NCOA1: variants seen among roughly 807,000 people sequenced by gnomAD.
NCOA1 encodes Hin-2 protein.
In NCOA1, 35 loss-of-function variants were observed where a neutral mutation model predicts 150.9. The observed-to-expected ratio is 0.23, with a 90% CI of 0.18 to 0.31. The LOEUF (loss-of-function observed/expected upper bound fraction) is 0.31. Ranked by LOEUF, NCOA1 falls within the 10% of genes least tolerant of loss-of-function variation. NCOA1 has a pLI of 1.00. For synonymous variants in NCOA1, 590 were observed against 630.0 expected, an observed-to-expected ratio of 0.94 and a Z score of 0.95; for missense variants, 1,491 against 1,749.3, an observed-to-expected ratio of 0.85 and a Z score of 2.63.
intron 3 of NCOA1, among the ~76,000 whole-genome samples, chr2:24,595,063 G>T (rs1185381555): frequency 6.6e-6 from 1 of 151,972 alleles, no homozygotes; most frequent in Non-Finnish European, 1.5e-5. Flanking sequence ...TGATATTTAT[G>T]TAATAATAAT....
At chr2:24,690,649 C>A (rs1672621012) in intron 8 of NCOA1, among the ~76,000 whole-genome samples, 1 of 13,648 alleles carries the variant, frequency 7.3e-5, no homozygotes, top group Non-Finnish European at 2.2e-4. Context: ...GAGATTCCAT[C>A]TCAAAAAAAA....
chr2:24,655,809 C>T (rs1477864387), intron 4 of NCOA1, among the ~76,000 whole-genome samples: 1 of 152,142 alleles, frequency 6.6e-6, no homozygotes, highest in Non-Finnish European at 1.5e-5. Flanking sequence ...GAAGTAATGG[C>T]CGGGCATGGT....
At chr2:24,521,388 C>T (rs1664412392) in intron 1 of NCOA1, among the ~76,000 whole-genome samples, 1 of 152,104 alleles carries the variant, frequency 6.6e-6, no homozygotes, top group African/African-American at 2.4e-5. Flanking sequence ...TCCCCATTCC[C>T]ACCCCTTCCT....
chr2:24,551,910 T>G (rs1665846180), intron 1 of NCOA1, among the ~76,000 whole-genome samples: 1 of 152,210 alleles, frequency 6.6e-6, no homozygotes, highest in Non-Finnish European at 1.5e-5. Context: ...AAGACAGTTC[T>G]CTTTCTATTG....
At chr2:24,652,909 A>C (rs719189) in intron 4 of NCOA1, among the ~76,000 whole-genome samples, 22,455 of 152,154 alleles carry the variant, frequency 0.15, 2,011 homozygotes, top group Non-Finnish European at 0.2. Context: ...ACATAAATAC[A>C]ACTGTAATAG....
intron 19 of NCOA1, 149 bp from the exon 20 acceptor site, chr2:24,751,833 A>G (rs965705541): frequency 5.2e-6 from 4 of 764,384 alleles, no homozygotes; most frequent in Non-Finnish European, 6.1e-6. Context: ...GTTGAATGCG[A>G]TATTTGTAAA....
Position 24,596,418 on chromosome 2 carries a change from G to A in NCOA1, c.-175+11858G>A, listed in dbSNP as rs747935514. The stretch of plus-strand genomic sequence containing the variant: ...AGCAGTTCTTACAAAATAGTCCTTA[G>A]CGTAGTAGTCTCACAGAGTTATGAA... On this transcript the variant is annotated intron_variant, in intron 3 of 22. Coordinates refer to ENST00000348332, the MANE Select transcript of NCOA1 (RefSeq NM_003743.5). Among the ~76,000 whole-genome samples the A allele has an allele frequency of 3.5e-4, 54 of 152,184 alleles. No individual in the cohort carries two copies. The Middle Eastern group carries it at 0.01, about 29-fold the overall frequency.
At chr2:24,706,439 C>A in intron 12 of NCOA1, 129 bp from the exon 13 acceptor site, 1 of 1,071,126 alleles carries the variant, frequency 9.3e-7, no homozygotes, top group Non-Finnish European at 1.3e-6. Flanking sequence ...TAAGATGGTA[C>A]AGAAGCTCTT....
Position 24,603,727 on chromosome 2 carries a change from G to A in NCOA1, c.-175+19167G>A, listed in dbSNP as rs375549807. ...CTCTTGCTGTTTTTACCATATCTGCGGTTACTTCTACTGGTCTTGAACTCA... is the reference window on the plus strand; with the variant it reads ...CTCTTGCTGTTTTTACCATATCTGCAGTTACTTCTACTGGTCTTGAACTCA... On this transcript the variant is annotated intron_variant, in intron 3 of 22. Coordinates refer to ENST00000348332, the MANE Select transcript of NCOA1 (RefSeq NM_003743.5). Among the ~76,000 whole-genome samples, 51 of 152,218 alleles carry A rather than the reference G, an allele frequency of 3.4e-4. 1 individual carries two copies. In the South Asian group the frequency reaches 9.7e-3, roughly 29 times the overall value.
At chr2:24,673,512 C>A in intron 7 of NCOA1, 49 bp downstream of exon 7, 1 of 1,376,140 alleles carries the variant, frequency 7.3e-7, no homozygotes, top group Non-Finnish European at 1.0e-6. Flanking sequence ...TTGTTGTAGC[C>A]AGTTTGGTTT....
intron 7 of NCOA1, among the ~76,000 whole-genome samples, chr2:24,678,751 A>G (rs1011604939): frequency 6.6e-6 from 1 of 152,128 alleles, no homozygotes; most frequent in Admixed American, 6.5e-5. Flanking sequence ...TTTTCTTGTA[A>G]ATTTGTTTAA....
intron 1 of NCOA1, among the ~76,000 whole-genome samples, chr2:24,505,097 C>G (rs1442226009): frequency 1.3e-5 from 2 of 152,016 alleles, no homozygotes; most frequent in Admixed American, 6.5e-5. Context: ...GTCCATGAGG[C>G]TTGTTTTTTC....
At chr2:24,574,478 C>CT (rs569289471) in intron 2 of NCOA1, among the ~76,000 whole-genome samples, 2 of 151,642 alleles carry the variant, frequency 1.3e-5, no homozygotes, top group African/African-American at 4.8e-5. Context: ...GAGGTTACTG[C>CT]TTTTTTTTAG....
At chr2:24,597,125 TGGGAAG>T (rs148480579) in intron 3 of NCOA1, among the ~76,000 whole-genome samples, 4,201 of 152,248 alleles carry the variant, frequency 0.028, 61 homozygotes, top group African/African-American at 0.041. Context: ...GTTTTACCTA[TGGGAAG>T]TGGGGTTCTA....
chr2:24,626,812 A>G (rs1165355152), intron 3 of NCOA1, among the ~76,000 whole-genome samples: 1 of 152,152 alleles, frequency 6.6e-6, no homozygotes, highest in Non-Finnish European at 1.5e-5. Flanking sequence ...TATTCCCCTA[A>G]TATATAAACT....
chr2:24,558,440 A>T (rs1666166576), intron 1 of NCOA1, among the ~76,000 whole-genome samples: 1 of 152,194 alleles, frequency 6.6e-6, no homozygotes, highest in Non-Finnish European at 1.5e-5. Flanking sequence ...CACTTCTGAA[A>T]TGGTGGTGGC....
intron 19 of NCOA1, among the ~76,000 whole-genome samples, chr2:24,750,350 A>G (rs898226578): frequency 1.1e-4 from 16 of 152,206 alleles, no homozygotes; most frequent in South Asian, 2.1e-4. Flanking sequence ...AAAAATTACC[A>G]TAAAGTCGCA....
intron 17 of NCOA1, among the ~76,000 whole-genome samples, chr2:24,731,037 C>CA (rs202108180): frequency 0.06 from 3,674 of 61,162 alleles, 93 homozygotes; most frequent in East Asian, 0.16. Flanking sequence ...GACTCTGTCT[C>CA]AAAAAAAAAA....
At chr2:24,723,402 A>G (rs1185702948) in intron 14 of NCOA1, among the ~76,000 whole-genome samples, 1 of 152,204 alleles carries the variant, frequency 6.6e-6, no homozygotes, top group Non-Finnish European at 1.5e-5. Context: ...GAATAATCTT[A>G]TGTAGAGATA....
Sources: gnomAD v4.1 joint callset for allele counts (sites outside exome capture counted in the v4.1 genomes callset) on GRCh38, gnomAD v4.1.1 for gene constraint, MANE v1.5 for transcripts, NCBI Gene and HGNC (gene_info 2026-07-23, HGNC 2026-07-21) for gene names.